Variants in DLG2 observed in about 807,000 individuals in gnomAD.
DLG2 encodes the protein disks large homolog 2.
Under a neutral mutation model 132.5 loss-of-function variants are expected in DLG2, and 45 were observed. The observed-to-expected ratio is 0.34, with a 90% CI of 0.27 to 0.44. The LOEUF is 0.44. Among genes scored for constraint, DLG2 ranks in the 20% least tolerant of loss-of-function variants. DLG2 has a pLI of 1.00. For synonymous variants in DLG2, 424 were observed against 419.6 expected (o/e 1.01, Z -0.13); for missense variants, 1,045 against 1,196.9 (o/e 0.87, Z 1.87).
At chr11:85,110,294 G>C (rs2072496619) in intron 6 of DLG2, among the ~76,000 whole-genome samples, 1 of 151,970 alleles carries the variant, frequency 6.6e-6, no homozygotes, top group Non-Finnish European at 1.5e-5. Flanking sequence ...GCATGCACCT[G>C]TAATCCCAGC....
At chr11:84,548,878 G>A (rs1592113556) in intron 6 of DLG2, among the ~76,000 whole-genome samples, 1 of 152,116 alleles carries the variant, frequency 6.6e-6, no homozygotes, top group East Asian at 1.9e-4. Flanking sequence ...AAGAGGTCTG[G>A]AAGAATATAC....
intron 11 of DLG2, among the ~76,000 whole-genome samples, chr11:84,001,866 G>C (rs564330422): frequency 6.6e-6 from 1 of 152,006 alleles, no homozygotes; most frequent in East Asian, 1.9e-4. Context: ...TAGAAATTAA[G>C]ATGAAAATCA....
chr11:84,462,158 T>G (rs1436060801), intron 7 of DLG2, among the ~76,000 whole-genome samples: 1 of 150,842 alleles, frequency 6.6e-6, no homozygotes. Flanking sequence ...AATTAATAAT[T>G]TCAGTTTCTT....
chr11:83,812,546 T>C lies in DLG2; in HGVS notation c.1722+21068A>G, dbSNP rs372553106. ...TCCTATGAAGCACTTATGATGTTTC[T>C]GAAATTCTTTCCTCATAAGGTTTAC... On this transcript the variant is annotated intron_variant, in intron 17 of 27. Transcript: ENST00000376104. Among the ~76,000 whole-genome samples the C allele has an allele frequency of 2.6e-5, 4 of 152,348 alleles. No individual in the cohort carries two copies. The East Asian group carries it at 7.7e-4, about 29-fold the overall frequency.
At chr11:84,916,225 T>G (rs11819785) in intron 6 of DLG2, among the ~76,000 whole-genome samples, 1,901 of 148,766 alleles carry the variant, frequency 0.013, 32 homozygotes, top group African/African-American at 0.043. Flanking sequence ...GGCGGGCGCC[T>G]GTAGTCCCAG....
chr11:85,032,734 A>T (rs766290888), intron 6 of DLG2, among the ~76,000 whole-genome samples: 19 of 152,206 alleles, frequency 1.2e-4, no homozygotes, highest in Non-Finnish European at 2.1e-4. Context: ...GTGTGTTTAG[A>T]GAAAACAAAG....
At chr11:84,859,817 G>C (rs1016081342) in intron 6 of DLG2, among the ~76,000 whole-genome samples, 6 of 151,772 alleles carry the variant, frequency 4.0e-5, no homozygotes, top group Admixed American at 2.6e-4. Flanking sequence ...CACACTCAAA[G>C]AGAAGTAGAG....
intron 3 of DLG2, among the ~76,000 whole-genome samples, chr11:85,350,793 G>T (rs1442684290): frequency 6.6e-6 from 1 of 152,210 alleles, no homozygotes; most frequent in Non-Finnish European, 1.5e-5. Flanking sequence ...CCAGTACCAT[G>T]CTATTTTCGT....
chr11:83,878,877 AG>A (rs1369455834), intron 15 of DLG2, among the ~76,000 whole-genome samples: 1 of 152,184 alleles, frequency 6.6e-6, no homozygotes, highest in Non-Finnish European at 1.5e-5. Context: ...GCAACTGTGG[AG>A]ATAAATATTA....
intron 6 of DLG2, among the ~76,000 whole-genome samples, chr11:84,547,137 G>T (rs1592071403): frequency 6.6e-6 from 1 of 152,014 alleles, no homozygotes; most frequent in African/African-American, 2.4e-5. Flanking sequence ...TGCATGGAAG[G>T]CACTTAGAAG....
rs1227005373 is a variant in DLG2, at chr11:84,122,463, T to C, written c.625-23416A>G. Among the ~76,000 whole-genome samples the C allele has an allele frequency of 3.9e-5, 6 of 152,190 alleles. No individual in the cohort carries two copies. In the East Asian group the frequency reaches 1.2e-3, roughly 29 times the overall value. On this transcript the variant is annotated intron_variant, in intron 9 of 27. Coordinates refer to ENST00000376104, the MANE Select transcript of DLG2 (RefSeq NM_001142699.3). ...CAACTGATGACCAGTGATGCCTGTC[T>C]TCACCAAGATTTTTGCTCCTAAATT...
intron 17 of DLG2, among the ~76,000 whole-genome samples, chr11:83,827,340 G>C (rs2053155011): frequency 6.6e-6 from 1 of 152,118 alleles, no homozygotes; most frequent in Non-Finnish European, 1.5e-5. Flanking sequence ...CTTGAAAATA[G>C]AGTCCTGGCA....
chr11:84,609,441 A>T (rs2099591512), intron 6 of DLG2, among the ~76,000 whole-genome samples: 2 of 152,140 alleles, frequency 1.3e-5, no homozygotes, highest in South Asian at 4.1e-4. Flanking sequence ...AAGCACCGTA[A>T]TTCTCGCAGT....
chr11:83,648,544 T>C (rs939768893), intron 18 of DLG2, among the ~76,000 whole-genome samples: 1 of 152,142 alleles, frequency 6.6e-6, no homozygotes, highest in Non-Finnish European at 1.5e-5. Flanking sequence ...CCTCTGGCTT[T>C]TGAATTACCA....
chr11:83,671,681 A>G (rs2076848454), intron 18 of DLG2, among the ~76,000 whole-genome samples: 1 of 152,180 alleles, frequency 6.6e-6, no homozygotes, highest in African/African-American at 2.4e-5. Flanking sequence ...TTTCATCAAT[A>G]TCCCTACTCC....
chr11:83,572,230 A>G (rs1409325478), intron 19 of DLG2, among the ~76,000 whole-genome samples: 12 of 152,116 alleles, frequency 7.9e-5, no homozygotes, highest in Non-Finnish European at 1.0e-4. Context: ...TTATATTTGA[A>G]AAGCATACAC....
chr11:84,416,636 C>CT (rs1392438214), intron 7 of DLG2, among the ~76,000 whole-genome samples: 5 of 152,210 alleles, frequency 3.3e-5, no homozygotes, highest in African/African-American at 1.2e-4. Flanking sequence ...TATCACTTAA[C>CT]TGTGTGATCT....
intron 14 of DLG2, among the ~76,000 whole-genome samples, chr11:83,955,229 C>T (rs1298347569): frequency 6.6e-6 from 1 of 152,120 alleles, no homozygotes; most frequent in African/African-American, 2.4e-5. Flanking sequence ...AACACAGAGG[C>T]AAAGGGGAGT....
intron 3 of DLG2, among the ~76,000 whole-genome samples, chr11:85,365,778 TTG>T (rs2084501590): frequency 6.6e-6 from 1 of 152,150 alleles, no homozygotes; most frequent in Non-Finnish European, 1.5e-5. Flanking sequence ...TTCATGTCCT[TTG>T]TAGGAATGTG....
Sources: allele counts gnomAD v4.1 joint callset (sites outside exome capture counted in the v4.1 genomes callset), GRCh38; gene constraint gnomAD v4.1.1; transcripts MANE v1.5; gene names NCBI Gene and HGNC (gene_info 2026-07-23, HGNC 2026-07-21).